FBXL7: variants seen among roughly 807,000 people sequenced by gnomAD.
FBXL7 encodes F-box/LRR-repeat protein 7.
FBXL7 carries 12 observed loss-of-function variants against 38.3 expected under a neutral mutation model. The ratio of observed to expected loss-of-function variants is 0.31; its 90% CI spans 0.20 to 0.51. The LOEUF is 0.51. Among genes scored for constraint, FBXL7 ranks in the 20% least tolerant of loss-of-function variants. The pLI, the probability that FBXL7 is intolerant of heterozygous loss-of-function variation, is 0.98. For synonymous variants in FBXL7, 297 were observed against 300.9 expected (o/e 0.99, Z 0.13); for missense variants, 567 against 676.4 (o/e 0.84, Z 1.79).
intron 1 of FBXL7, among the ~76,000 whole-genome samples, chr5:15,574,856 AATTG>A (rs745504594): frequency 2.6e-5 from 4 of 152,188 alleles, no homozygotes; most frequent in Admixed American, 6.5e-5. Context: ...ATAAAAATGA[AATTG>A]ATCTATTGGA....
chr5:15,753,187 T>C (rs190393054), intron 2 of FBXL7, among the ~76,000 whole-genome samples: 2 of 152,074 alleles, frequency 1.3e-5, no homozygotes, highest in African/African-American at 4.8e-5. Flanking sequence ...TCTCTTTTTT[T>C]CCCCGTATAG....
At chr5:15,777,877 A>C (rs1736898289) in intron 2 of FBXL7, among the ~76,000 whole-genome samples, 1 of 151,994 alleles carries the variant, frequency 6.6e-6, no homozygotes, top group Non-Finnish European at 1.5e-5. Context: ...ATATTGAGGA[A>C]AGTGGAAAAC....
intron 1 of FBXL7, among the ~76,000 whole-genome samples, chr5:15,551,337 A>G (rs546979424): frequency 3.7e-4 from 56 of 152,328 alleles, no homozygotes; most frequent in Non-Finnish European, 7.1e-4. Flanking sequence ...TTCCCCTTTC[A>G]AGGCAGAAAG....
chr5:15,877,444 CATTTAATCGT>C (rs1740257081), intron 2 of FBXL7, among the ~76,000 whole-genome samples: 1 of 152,114 alleles, frequency 6.6e-6, no homozygotes, highest in African/African-American at 2.4e-5. Flanking sequence ...ATGAGGGATT[CATTTAATCGT>C]ATTTCAATTC....
rs368348612 is a variant in FBXL7, at chr5:15,501,496, G to A, written c.37+783G>A. ...TAGCCCCTGATACGCATAAGGCAAAGGCATTTTTCTGCAGTTCAAAAGTTA... is the reference window on the plus strand; with the variant it reads ...TAGCCCCTGATACGCATAAGGCAAAAGCATTTTTCTGCAGTTCAAAAGTTA... On this transcript the variant is annotated intron_variant, in intron 1 of 3. Coordinates refer to ENST00000504595, the MANE Select transcript of FBXL7 (RefSeq NM_012304.5). 1.6e-5 allele frequency: 16 copies of A among 985,572 alleles called. No homozygotes were observed. The East Asian group carries it at 1.1e-3, about 70-fold the overall frequency. 61.1% of individuals were successfully genotyped at this position (985,572 alleles called of 1,614,324 possible). A position where few individuals can be genotyped will look rare whatever the true frequency, so the allele number is the denominator to read the frequency against.
chr5:15,631,906 A>G (rs569769145), intron 2 of FBXL7, among the ~76,000 whole-genome samples: 1 of 152,232 alleles, frequency 6.6e-6, no homozygotes, highest in Non-Finnish European at 1.5e-5. Context: ...GCCAAAATAA[A>G]TGCTTAATGG....
chr5:15,563,519 T>C (rs1315391219), intron 1 of FBXL7, among the ~76,000 whole-genome samples: 1 of 152,100 alleles, frequency 6.6e-6, no homozygotes, highest in Admixed American at 6.6e-5. Flanking sequence ...AGAGTCTAGC[T>C]GTTTATTGCA....
At chr5:15,872,832 A>T (rs144228263) in intron 2 of FBXL7, among the ~76,000 whole-genome samples, 1 of 152,088 alleles carries the variant, frequency 6.6e-6, no homozygotes, top group East Asian at 1.9e-4. Context: ...AATAATAGTG[A>T]GCGACCTTAA....
At chr5:15,597,603 T>A (rs958882254) in intron 1 of FBXL7, among the ~76,000 whole-genome samples, 3 of 151,882 alleles carry the variant, frequency 2.0e-5, no homozygotes, top group African/African-American at 4.8e-5. Flanking sequence ...AGAAGGCGTG[T>A]GAAGAAGGCC....
At chr5:15,537,025 C>T (rs1737606259) in intron 1 of FBXL7, among the ~76,000 whole-genome samples, 1 of 152,166 alleles carries the variant, frequency 6.6e-6, no homozygotes, top group Non-Finnish European at 1.5e-5. Context: ...TTGGCAGTTC[C>T]TTTCTCTTTG....
At chr5:15,689,177 C>T (rs959005529) in intron 2 of FBXL7, among the ~76,000 whole-genome samples, 1 of 152,094 alleles carries the variant, frequency 6.6e-6, no homozygotes, top group African/African-American at 2.4e-5. Context: ...GTCACACTGA[C>T]ATTGAGGAGT....
intron 1 of FBXL7, among the ~76,000 whole-genome samples, chr5:15,603,963 CCT>C (rs1156784991): frequency 1.7e-4 from 26 of 152,108 alleles, no homozygotes; most frequent in African/African-American, 6.0e-4. Flanking sequence ...ATGGCGAAAC[CCT>C]GTCTCTACTA....
chr5:15,847,610 C>G (rs538559706), intron 2 of FBXL7, among the ~76,000 whole-genome samples: 79 of 152,268 alleles, frequency 5.2e-4, no homozygotes, highest in African/African-American at 1.9e-3. Context: ...ATTTCACTCT[C>G]TTGATTAGGT....
chr5:15,672,897 C>T, intron 2 of FBXL7, among the ~76,000 whole-genome samples: 1 of 152,184 alleles, frequency 6.6e-6, no homozygotes, highest in East Asian at 1.9e-4. Flanking sequence ...AATTGTCCAC[C>T]TGTCTTTTTT....
At chr5:15,660,595 T>C (rs551763115) in intron 2 of FBXL7, among the ~76,000 whole-genome samples, 37 of 152,298 alleles carry the variant, frequency 2.4e-4, no homozygotes, top group Non-Finnish European at 3.7e-4. Context: ...TGACCTCAAG[T>C]GATCTGCCCG....
At chr5:15,557,129 G>A (rs1016501118) in intron 1 of FBXL7, among the ~76,000 whole-genome samples, 7 of 152,200 alleles carry the variant, frequency 4.6e-5, no homozygotes, top group African/African-American at 9.6e-5. Flanking sequence ...TAGTAGAGAC[G>A]GGGTTTCACC....
chr5:15,670,800 CA>C (rs879933414), intron 2 of FBXL7, among the ~76,000 whole-genome samples: 3 of 147,976 alleles, frequency 2.0e-5, no homozygotes, highest in African/African-American at 5.0e-5. Flanking sequence ...GACTCCCACT[CA>C]AAAAAAATAA....
At chr5:15,683,843 G>T (rs924450803) in intron 2 of FBXL7, among the ~76,000 whole-genome samples, 1 of 152,200 alleles carries the variant, frequency 6.6e-6, no homozygotes, top group South Asian at 2.1e-4. Context: ...GGAAGTAGAA[G>T]TTTATCACTT....
chr5:15,500,322 A>G lies in FBXL7; in HGVS notation c.-355A>G, dbSNP rs1311001269. ...CAGGGGCCTGCCCGGCTCAGCGCCCACCGGAGGGGATCGGGGCGGGCGGAT... is the reference window on the plus strand; with the variant it reads ...CAGGGGCCTGCCCGGCTCAGCGCCCGCCGGAGGGGATCGGGGCGGGCGGAT... On this transcript the variant is annotated 5_prime_UTR_variant, in exon 1 of 4. Transcript: ENST00000504595. 16 of 151,894 alleles carry G rather than the reference A, an allele frequency of 1.1e-4. No individual in the cohort carries two copies. The East Asian group carries it at 2.7e-3, about 26-fold the overall frequency. The allele number at this position is 151,894 out of a possible 1,614,324, so 9.4% of individuals were successfully genotyped here. A position where few individuals can be genotyped will look rare whatever the true frequency, so the allele number is the denominator to read the frequency against.
Sources: gnomAD v4.1 joint callset for allele counts (sites outside exome capture counted in the v4.1 genomes callset) on GRCh38, gnomAD v4.1.1 for gene constraint, MANE v1.5 for transcripts, NCBI Gene and HGNC (gene_info 2026-07-23, HGNC 2026-07-21) for gene names.